Variants in CHADL observed in about 807,000 individuals in gnomAD.
The protein encoded by CHADL is chondroadherin-like protein.
CHADL carries 48 observed loss-of-function variants against 52.1 expected under a neutral mutation model. The observed-to-expected ratio is 0.92, with a 90% CI of 0.73 to 1.17. CHADL has a LOEUF of 1.17. Ranked by LOEUF, CHADL falls within the 50% of genes most tolerant of loss-of-function variation. The pLI is 0.00. For missense variants in CHADL, 977 were observed against 1,035.1 expected (o/e 0.94, Z 0.77); for synonymous variants, 498 against 511.2 (o/e 0.97, Z 0.35).
In CHADL at chr22:41,238,563, A is replaced by T. The variant is rs1314643572; in HGVS notation, c.509T>A (p.Leu170Gln). The T allele has an allele frequency of 6.5e-7, 1 of 1,546,468 alleles. No individual in the cohort carries two copies. Among genetic ancestry groups the T allele is most frequent in the Non-Finnish European group, 8.7e-7 (1 of 1,146,418 alleles). The change falls in exon 3 of 6, where the codon CTG becomes CAG. Residue 170 changes from leucine (L) to glutamine (Q), a missense_variant. Transcript: ENST00000216241. This position sits in a 1 kb window ranked among gnomAD's most constrained non-coding sequence, Gnocchi z 4.9. The stretch of plus-strand genomic sequence containing the variant: ...GAAGGCCATGGCGGGCAGGTAAACC[A>T]GGGCGTTGTGGGCCAGGTTTAGCGT... ...LATLNLAHNA[L>Q]VYLPAMAFQG...
intron 4 of CHADL, among the ~76,000 whole-genome samples, chr22:41,236,279 A>T (rs1396952307): frequency 6.6e-6 from 1 of 152,218 alleles, no homozygotes; most frequent in Non-Finnish European, 1.5e-5. Flanking sequence ...GATGAAATCA[A>T]GGCTCAGAGA....
At chr22:41,235,822 T>C (rs575905473) in intron 4 of CHADL, among the ~76,000 whole-genome samples, 1 of 152,236 alleles carries the variant, frequency 6.6e-6, no homozygotes, top group African/African-American at 2.4e-5. Context: ...GTTGGTAAAA[T>C]ACCAGAGCCA....
chr22:41,237,280 G>A lies in CHADL; in HGVS notation c.1792C>T (p.Leu598=). Residue 598 remains leucine (L), a synonymous_variant, in exon 3 of 6, where the codon CTG becomes TTG. Coordinates refer to ENST00000216241, the MANE Select transcript of CHADL (RefSeq NM_138481.2). ...CTGAGTGGGTTGCCCGAGAGCTGCAGCTCCAGGAGGGCAGGCAGCCCCTCC... is the reference window on the plus strand; with the variant it reads ...CTGAGTGGGTTGCCCGAGAGCTGCAACTCCAGGAGGGCAGGCAGCCCCTCC... ...ALEGLPALLE[L]QLSGNPLRAL... 1.3e-6 allele frequency: 2 copies of A among 1,550,620 alleles called. No homozygotes were observed. Among genetic ancestry groups the A allele is most frequent in the South Asian group, 2.4e-5 (2 of 84,060 alleles).
At position 41,237,814 on chromosome 22, in the gene CHADL, G is replaced by T. The variant is rs1158454413; in HGVS notation, c.1258C>A (p.Pro420Thr). 9 of 1,418,012 alleles carry T rather than the reference G, an allele frequency of 6.3e-6. No homozygotes were observed. The highest frequency in any genetic ancestry group is 2.7e-4 in the Middle Eastern group (1 of 3,714). 87.8% of individuals were successfully genotyped at this position (1,418,012 alleles called of 1,614,324 possible). A position where few individuals can be genotyped will look rare whatever the true frequency, so the allele number is the denominator to read the frequency against. ...SCEGCGLQAV[P>T]RGFPSDTQLL... ...TGGGTGTCGCTGGGGAAGCCGCGGG[G>T]CACCGCCTGCAGGCCGCAGCCCTCG... Residue 420 changes from proline (P) to threonine (T), a missense_variant, in exon 3 of 6, where the codon CCC (proline) becomes ACC (threonine). Coordinates refer to ENST00000216241, the MANE Select transcript of CHADL (RefSeq NM_138481.2).
At chr22:41,230,380 G>T in intron 5 of CHADL, 2 of 717,560 alleles carry the variant, frequency 2.8e-6, no homozygotes, top group East Asian at 2.7e-5. Flanking sequence ...CCGGTGCTGT[G>T]AAGGCTGGAC....
At chr22:41,231,471 CTGTG>C (rs1442125845) in intron 5 of CHADL, among the ~76,000 whole-genome samples, 5 of 151,950 alleles carry the variant, frequency 3.3e-5, no homozygotes, top group Middle Eastern at 3.2e-3. Flanking sequence ...TCCCCAAAGA[CTGTG>C]AGTTCCCCAG....
rs2032767804 is a variant in CHADL at position 41,237,578 on chromosome 22, G to C, written c.1494C>G (p.Arg498=). The C allele has an allele frequency of 1.9e-6, 3 of 1,550,514 alleles. No homozygotes were observed. The highest frequency in any genetic ancestry group is 2.6e-6 in the Non-Finnish European group (3 of 1,146,918). The stretch of plus-strand genomic sequence containing the variant: ...TGCGTTCTAGGTACAGGTAGCCGAG[G>C]CGGGGAGCCCCTTCAAGGGCAGCAG... ...LSAAALEGAP[R]LGYLYLERNR... is the part of the protein sequence containing the mutation. The change falls in exon 3 of 6, where the codon CGC becomes CGG. Residue 498 remains arginine, a synonymous_variant. Transcript: ENST00000216241.
intron 5 of CHADL, among the ~76,000 whole-genome samples, chr22:41,232,205 A>C (rs566271875): frequency 6.6e-6 from 1 of 151,686 alleles, no homozygotes; most frequent in Admixed American, 6.6e-5. Context: ...GGTGGCAGTC[A>C]CCTGTAATCC....
chr22:41,236,025 C>T (rs1278841844), intron 4 of CHADL, among the ~76,000 whole-genome samples: 1 of 152,186 alleles, frequency 6.6e-6, no homozygotes. Context: ...GCACCCACTA[C>T]CACGCCCAGC....
Position 41,238,040 on chromosome 22 carries a change from G to C in CHADL, c.1032C>G (p.Gly344=). ...GACQGPRRLR[G]EALDALRPWD... ...AGGGCCGCAGGGCGTCCAGAGCCTC[G>C]CCCCGCAGGCGCCGCGGCCCCTGGC... The change falls in exon 3 of 6, where the codon GGC becomes GGG. Residue 344 remains glycine (G), a synonymous_variant. Transcript: ENST00000216241. This position sits in a 1 kb window ranked among gnomAD's most constrained non-coding sequence, Gnocchi z 4.9. The C allele has an allele frequency of 7.9e-7, 1 of 1,273,720 alleles. No homozygotes were observed. The highest frequency in any genetic ancestry group is 9.8e-7 in the Non-Finnish European group (1 of 1,017,154). The allele number at this position is 1,273,720 out of a possible 1,614,324, so 78.9% of individuals were successfully genotyped here. A position where few individuals can be genotyped will look rare whatever the true frequency, so the allele number is the denominator to read the frequency against.
Position 41,237,873 on chromosome 22 carries a change from C to CAGGCGCGAGGGCA in CHADL, c.1186_1198dup (p.Cys400LeufsTer99). The stretch of plus-strand genomic sequence containing the variant: ...GTGCCGGGACTCGGGGACGCACACG[C>CAGGCGCGAGGGCA]AGGCGCGAGGGCAAGGCGCGACTGC... On this transcript the variant is annotated frameshift_variant, in exon 3 of 6. Transcript: ENST00000216241. LOFTEE classifies it high-confidence loss of function. 2 of 1,393,022 alleles carry CAGGCGCGAGGGCA rather than the reference C, an allele frequency of 1.4e-6. No individual in the cohort carries two copies. Among genetic ancestry groups the CAGGCGCGAGGGCA allele is most frequent in the Non-Finnish European group, 1.9e-6 (2 of 1,077,890 alleles). The allele number at this position is 1,393,022 out of a possible 1,614,324, so 86.3% of individuals were successfully genotyped here. A position where few individuals can be genotyped will look rare whatever the true frequency, so the allele number is the denominator to read the frequency against.
At chr22:41,230,331 C>T (rs2032516296) in intron 5 of CHADL, 3 of 1,064,188 alleles carry the variant, frequency 2.8e-6, no homozygotes, top group African/African-American at 1.6e-5. Context: ...CTCCACCTGA[C>T]TTTGGCTTGG....
intron 5 of CHADL, among the ~76,000 whole-genome samples, chr22:41,233,685 A>C (rs1184115010): frequency 6.6e-6 from 1 of 152,132 alleles, no homozygotes; most frequent in African/African-American, 2.4e-5. Context: ...CCAACACCTC[A>C]ACGGCTGACC....
rs1450467805 is a variant in CHADL at position 41,237,620 on chromosome 22, C to A, written c.1452G>T (p.Gln484His). Residue 484 changes from glutamine to histidine, a missense_variant, in exon 3 of 6, where the codon CAG (glutamine) becomes CAT (histidine). Transcript: ENST00000216241. ...GGGCAGCAGCGCTGAGGCCTGCGAG[C>A]TGGTTGTCGGAGAGGTACAGGTAGA... ...RLIYLYLSDN[Q>H]LAGLSAAALE... 6.4e-7 allele frequency: 1 copy of A among 1,550,424 alleles called. No homozygotes were observed. The highest frequency in any genetic ancestry group is 1.4e-5 in the African/African-American group (1 of 73,178).
chr22:41,238,807 T>C lies in CHADL; in HGVS notation c.265A>G (p.Thr89Ala). The C allele has an allele frequency of 6.5e-7, 1 of 1,549,550 alleles. No homozygotes were observed. Among genetic ancestry groups the C allele is most frequent in the East Asian group, 2.4e-5 (1 of 40,900 alleles). ...TCGCAGTGGCGCAGGTCCAGGTGTGTGAGGTGAGGCACGCCCTGGAAGGCG... is the reference window on the plus strand; with the variant it reads ...TCGCAGTGGCGCAGGTCCAGGTGTGCGAGGTGAGGCACGCCCTGGAAGGCG... ...AAAFQGVPHL[T>A]HLDLRHCEVE... Residue 89 changes from threonine to alanine, a missense_variant, in exon 3 of 6, where the codon ACA becomes GCA. Coordinates refer to ENST00000216241, the MANE Select transcript of CHADL (RefSeq NM_138481.2). This position sits in a 1 kb window ranked among gnomAD's most constrained non-coding sequence, Gnocchi z 4.9.
chr22:41,232,020 T>A (rs972399718), intron 5 of CHADL, among the ~76,000 whole-genome samples: 1 of 152,158 alleles, frequency 6.6e-6, no homozygotes, highest in African/African-American at 2.4e-5. Context: ...CAGTACAGTT[T>A]AGTCGTTTGG....
Position 41,238,958 on chromosome 22 carries a change from G to C in CHADL, c.187-73C>G. On this transcript the variant is annotated intron_variant, in intron 2 of 5. Transcript: ENST00000216241. This position sits in a 1 kb window ranked among gnomAD's most constrained non-coding sequence, Gnocchi z 4.9. ...CCTTTGCAAGTGCTGCTTCTTCCCC[G>C]GAACACTCTTTTCTCCTGTCACCTT... 1 of 1,452,054 alleles carries C rather than the reference G, an allele frequency of 6.9e-7. No homozygotes were observed. Among genetic ancestry groups the C allele is most frequent in the Non-Finnish European group, 9.1e-7 (1 of 1,097,672 alleles). The allele number at this position is 1,452,054 out of a possible 1,614,324, so 89.9% of individuals were successfully genotyped here.
chr22:41,230,160 A>C, intron 5 of CHADL: 1 of 1,457,766 alleles, frequency 6.9e-7, no homozygotes, highest in African/African-American at 1.5e-5. Flanking sequence ...CGTGTGAAGG[A>C]AGAGCATCTA....
intron 5 of CHADL, among the ~76,000 whole-genome samples, chr22:41,232,755 C>T (rs1283611355): frequency 6.6e-6 from 1 of 152,124 alleles, no homozygotes; most frequent in Non-Finnish European, 1.5e-5. Context: ...TTAACTAAAG[C>T]CCTGACCTGG....
Sources: allele counts gnomAD v4.1 joint callset (sites outside exome capture counted in the v4.1 genomes callset), GRCh38; gene constraint gnomAD v4.1.1; non-coding constraint Gnocchi (gnomAD v3.1); transcripts MANE v1.5; gene names NCBI Gene and HGNC (gene_info 2026-07-23, HGNC 2026-07-21).